The following SVIL variants were observed in gnomAD, a reference collection of about 807,000 sequenced individuals.
SVIL encodes supervillin.
A neutral mutation model predicts 240.4 loss-of-function variants in SVIL; 101 were observed. The observed-to-expected ratio is 0.42, with a 90% confidence interval of 0.36 to 0.50. The LOEUF is 0.50. Ranked by LOEUF, SVIL falls within the 20% of genes least tolerant of loss-of-function variation. The pLI, the probability that SVIL is intolerant of heterozygous loss-of-function variation, is 0.01. For missense variants in SVIL, 2,512 were observed against 2,818.7 expected, an observed-to-expected ratio of 0.89 and a Z score of 2.46; for synonymous variants, 999 against 1,100.0, an observed-to-expected ratio of 0.91 and a Z score of 1.82.
chr10:29,475,532 A>G (rs1214047580), intron 29 of SVIL: 1 of 152,260 alleles, frequency 6.6e-6, no homozygotes, highest in African/African-American at 2.4e-5. Flanking sequence ...TCAGATAGTG[A>G]TAAGTGCTAT....
At chr10:29,552,397 T>C (rs1228817887) in intron 5 of SVIL, among the ~76,000 whole-genome samples, 1 of 151,842 alleles carries the variant, frequency 6.6e-6, no homozygotes, top group Non-Finnish European at 1.5e-5. Flanking sequence ...ACCCCGTCTC[T>C]ACTAAAAATG....
At chr10:29,722,840 G>A (rs181014518) in intron 1 of SVIL, among the ~76,000 whole-genome samples, 16 of 152,224 alleles carry the variant, frequency 1.1e-4, no homozygotes, top group Admixed American at 7.2e-4. Context: ...CATCACTGCC[G>A]TTTACTTATT....
intron 1 of SVIL, among the ~76,000 whole-genome samples, chr10:29,619,800 TCTC>T (rs1242074176): frequency 1.3e-5 from 2 of 152,250 alleles, no homozygotes; most frequent in African/African-American, 2.4e-5. Flanking sequence ...GTACTCATTT[TCTC>T]CTCATTACAA....
At chr10:29,626,265 A>G (rs1407518493) in intron 1 of SVIL, among the ~76,000 whole-genome samples, 3 of 152,176 alleles carry the variant, frequency 2.0e-5, no homozygotes, top group African/African-American at 7.2e-5. Flanking sequence ...GGTATTTTAC[A>G]TTTTGTTATT....
chr10:29,560,535 A>T (rs1954358600), intron 3 of SVIL, among the ~76,000 whole-genome samples: 1 of 152,234 alleles, frequency 6.6e-6, no homozygotes, highest in Non-Finnish European at 1.5e-5. Context: ...ACACAGAGGA[A>T]GTCCCGTAGA....
At chr10:29,531,110 C>A in intron 10 of SVIL, 144 bp downstream of exon 10, 1 of 742,246 alleles carries the variant, frequency 1.3e-6, no homozygotes, top group South Asian at 1.9e-5. Flanking sequence ...TAGATTTTAT[C>A]ATATCCACAG....
chr10:29,540,034 C>T (rs543180761), intron 6 of SVIL, among the ~76,000 whole-genome samples: 8 of 152,188 alleles, frequency 5.3e-5, no homozygotes, highest in African/African-American at 1.7e-4. Flanking sequence ...CCGCCTCTCA[C>T]GTGCGTTACC....
intron 1 of SVIL, among the ~76,000 whole-genome samples, chr10:29,714,099 G>A: frequency 6.6e-6 from 1 of 152,178 alleles, no homozygotes; most frequent in East Asian, 1.9e-4. Context: ...GGTTTAGAGA[G>A]TGGGAAGTTA....
chr10:29,695,486 C>A (rs1472387648), intron 1 of SVIL, among the ~76,000 whole-genome samples: 3 of 152,142 alleles, frequency 2.0e-5, no homozygotes, highest in Non-Finnish European at 4.4e-5. Flanking sequence ...TGGCTCACGC[C>A]TGTAATCCCA....
chr10:29,470,265 A>C lies in SVIL; in HGVS notation c.5843+11T>G. The C allele has an allele frequency of 6.2e-7, 1 of 1,614,120 alleles. No homozygotes were observed. Among genetic ancestry groups the C allele is most frequent in the South Asian group, 1.1e-5 (1 of 91,078 alleles). The stretch of plus-strand genomic sequence containing the variant: ...GTGTGTGGGGGGACTCGCCGCAGAC[A>C]CAACACTCACTGTTCCTTGATCTTG... On this transcript the variant is annotated intron_variant, in intron 32 of 37. Transcript: ENST00000355867.
chr10:29,653,682 C>A (rs371363378), intron 3 of SVIL, among the ~76,000 whole-genome samples: 14 of 152,212 alleles, frequency 9.2e-5, no homozygotes, highest in African/African-American at 2.9e-4. Context: ...TAAGGCTTAC[C>A]TTTAAGCCTC....
intron 3 of SVIL, among the ~76,000 whole-genome samples, 160 bp from the exon 4 acceptor site, chr10:29,555,268 G>A (rs888227210): frequency 6.6e-6 from 1 of 151,836 alleles, no homozygotes; most frequent in African/African-American, 2.4e-5. Context: ...CTTGGAAACT[G>A]TTTCCTAGTA....
chr10:29,615,627 T>C (rs940522110), intron 1 of SVIL, among the ~76,000 whole-genome samples: 2 of 152,244 alleles, frequency 1.3e-5, no homozygotes, highest in African/African-American at 4.8e-5. Flanking sequence ...GATGAAGAAA[T>C]CAAACAGGCT....
chr10:29,464,475 G>T (rs61839348), intron 34 of SVIL, among the ~76,000 whole-genome samples: 12 of 151,970 alleles, frequency 7.9e-5, no homozygotes, highest in African/African-American at 2.9e-4. Context: ...AATCAAAACT[G>T]TTCTACTGCC....
intron 1 of SVIL, among the ~76,000 whole-genome samples, chr10:29,700,615 C>T (rs772327233): frequency 3.3e-5 from 5 of 151,906 alleles, no homozygotes; most frequent in African/African-American, 4.8e-5. Flanking sequence ...GGACTACAGG[C>T]GCCCGCCACC....
At chr10:29,657,196 A>G (rs1197389444) in intron 3 of SVIL, among the ~76,000 whole-genome samples, 2 of 152,182 alleles carry the variant, frequency 1.3e-5, no homozygotes, top group African/African-American at 4.8e-5. Flanking sequence ...TATTATCTAA[A>G]CATGAGCACT....
At chr10:29,677,403 C>T (rs901326771) in intron 2 of SVIL, among the ~76,000 whole-genome samples, 2 of 152,102 alleles carry the variant, frequency 1.3e-5, no homozygotes, top group African/African-American at 4.8e-5. Flanking sequence ...GCTGTCAGTG[C>T]TGCTCGGAAT....
At chr10:29,695,956 C>A (rs35216579) in intron 1 of SVIL, among the ~76,000 whole-genome samples, 26,024 of 122,726 alleles carry the variant, frequency 0.21, 3,066 homozygotes, top group East Asian at 0.33. Context: ...TCTCCCTCTC[C>A]CGTCTCCCTC....
chr10:29,532,448 C>T lies in SVIL; in HGVS notation c.1838+81G>A, dbSNP rs1398877659. On this transcript the variant is annotated intron_variant, in intron 8 of 37. Transcript: ENST00000355867. ...TAAGCTAATATGATTCAATGCAGAA[C>T]ACAACACAGGTCGAGGAGTGAATCA... 2.6e-6 allele frequency: 4 copies of T among 1,516,722 alleles called. No homozygotes were observed. The African/African-American group carries it at 5.6e-5, about 21-fold the overall frequency. The allele number at this position is 1,516,722 out of a possible 1,614,324, so 94.0% of individuals were successfully genotyped here.
Sources: allele counts gnomAD v4.1 joint callset (sites outside exome capture counted in the v4.1 genomes callset), GRCh38; gene constraint gnomAD v4.1.1; transcripts MANE v1.5; gene names NCBI Gene and HGNC (gene_info 2026-07-23, HGNC 2026-07-21).